SMOC2: variants seen among roughly 807,000 people sequenced by gnomAD.
SMOC2 encodes SPARC related modular calcium binding 2.
SMOC2 carries 39 observed loss-of-function variants against 61.4 expected under a neutral mutation model. The ratio of observed to expected loss-of-function variants is 0.64; its 90% CI spans 0.49 to 0.83. SMOC2 has a LOEUF of 0.83. SMOC2 is among the 40% of genes least tolerant of loss of function. The pLI is 0.00. For missense variants in SMOC2, 556 were observed against 592.9 expected, an observed-to-expected ratio of 0.94 and a Z score of 0.65; for synonymous variants, 247 against 239.9, an observed-to-expected ratio of 1.03 and a Z score of -0.27.
chr6:168,579,939 A>T (rs1233277080), intron 7 of SMOC2, among the ~76,000 whole-genome samples: 4 of 152,204 alleles, frequency 2.6e-5, no homozygotes, highest in Non-Finnish European at 4.4e-5. Context: ...TGGCCTTTCA[A>T]CACAGGTAAT....
intron 4 of SMOC2, among the ~76,000 whole-genome samples, chr6:168,538,680 T>G (rs796410167): frequency 6.9e-3 from 154 of 22,410 alleles, no homozygotes; most frequent in Admixed American, 9.5e-3. Context: ...TGGAATATGG[T>G]GGAGTGGGGT....
At chr6:168,533,174 G>C (rs911093687) in intron 4 of SMOC2, among the ~76,000 whole-genome samples, 5 of 152,048 alleles carry the variant, frequency 3.3e-5, no homozygotes, top group African/African-American at 1.2e-4. Flanking sequence ...TTTCCTCTCT[G>C]TGGTCTGAAC....
At position 168,571,076 on chromosome 6, in the gene SMOC2, C is replaced by T. The variant is rs539455817; in HGVS notation, c.637+21873C>T. Reference sequence around the variant, plus strand: ...TGACAGTGGCGCATGGCCTGACCTTCGTAACAATGCATTTTTGTTGTTAAC... The same window carrying T: ...TGACAGTGGCGCATGGCCTGACCTTTGTAACAATGCATTTTTGTTGTTAAC... On this transcript the variant is annotated intron_variant, in intron 7 of 12. Transcript: ENST00000356284. Among the ~76,000 whole-genome samples, 78 of 152,218 alleles carry T rather than the reference C, an allele frequency of 5.1e-4. 1 individual carries two copies. Among genetic ancestry groups the T allele is most frequent in the African/African-American group, 1.8e-3 (76 of 41,510 alleles).
At chr6:168,516,376 C>CA (rs3065283) in intron 2 of SMOC2, among the ~76,000 whole-genome samples, 31,397 of 133,892 alleles carry the variant, frequency 0.23, 3,878 homozygotes, top group African/African-American at 0.34. Flanking sequence ...ATAGAAAAGC[C>CA]AAAAAAAAAA....
chr6:168,456,872 G>C (rs144305505), intron 1 of SMOC2, among the ~76,000 whole-genome samples: 1 of 152,168 alleles, frequency 6.6e-6, no homozygotes, highest in Admixed American at 6.5e-5. Flanking sequence ...CGGGTGGGTC[G>C]TCATGTCCAC....
chr6:168,653,526 G>T (rs1787252454), intron 11 of SMOC2, among the ~76,000 whole-genome samples: 1 of 152,200 alleles, frequency 6.6e-6, no homozygotes, highest in Admixed American at 6.5e-5. Flanking sequence ...TTGTCTTCTG[G>T]TATTTGAGGT....
At chr6:168,498,160 T>C (rs1194077649) in intron 1 of SMOC2, among the ~76,000 whole-genome samples, 5 of 152,198 alleles carry the variant, frequency 3.3e-5, no homozygotes, top group Non-Finnish European at 7.3e-5. Flanking sequence ...TCAGTGGAAA[T>C]GATTTCACCG....
At chr6:168,563,906 G>T (rs1169122316) in intron 7 of SMOC2, among the ~76,000 whole-genome samples, 1 of 152,122 alleles carries the variant, frequency 6.6e-6, no homozygotes, top group Non-Finnish European at 1.5e-5. Flanking sequence ...CCGGCTTCAG[G>T]GGCCTGCAGG....
At chr6:168,634,501 G>A (rs1046628872) in intron 9 of SMOC2, among the ~76,000 whole-genome samples, 7 of 152,156 alleles carry the variant, frequency 4.6e-5, no homozygotes, top group African/African-American at 2.4e-5. Context: ...TGCCCAATTC[G>A]AGTCTGAAAT....
In SMOC2 at chr6:168,605,286, A is replaced by G. The variant is rs138111124; in HGVS notation, c.825-2871A>G. 8.6e-3 allele frequency among the ~76,000 whole-genome samples: 1,312 copies of G among 152,230 alleles called. 20 individuals carry two copies. The highest frequency in any genetic ancestry group is 0.027 in the African/African-American group (1,142 of 41,538). On this transcript the variant is annotated intron_variant, in intron 8 of 12. Transcript: ENST00000356284. Reference sequence around the variant, plus strand: ...TGTGTAGCCTCTGTTCCCCAACCCCAGAGCGTGTCTTTCAGTGGGGTGTGC... The same window carrying G: ...TGTGTAGCCTCTGTTCCCCAACCCCGGAGCGTGTCTTTCAGTGGGGTGTGC...
At chr6:168,574,790 C>G (rs969305229) in intron 7 of SMOC2, among the ~76,000 whole-genome samples, 7 of 152,188 alleles carry the variant, frequency 4.6e-5, no homozygotes, top group African/African-American at 1.7e-4. Flanking sequence ...TCACTTCAGA[C>G]AGCCAGGAGG....
At chr6:168,661,188 A>C (rs1375316657) in intron 11 of SMOC2, among the ~76,000 whole-genome samples, 1 of 152,216 alleles carries the variant, frequency 6.6e-6, no homozygotes, top group South Asian at 2.1e-4. Flanking sequence ...ACAATAGTGA[A>C]AAGTCAGAAA....
chr6:168,500,019 A>C (rs560953107), intron 1 of SMOC2, among the ~76,000 whole-genome samples: 259 of 152,252 alleles, frequency 1.7e-3, no homozygotes, highest in African/African-American at 6.0e-3. Flanking sequence ...ACAGAGATGA[A>C]GTCCATGCCG....
chr6:168,667,548 A>G lies in SMOC2; in HGVS notation c.*1110A>G, dbSNP rs1787693426. 6.6e-6 allele frequency: 1 copy of G among 152,242 alleles called. No homozygotes were observed. The highest frequency in any genetic ancestry group is 2.4e-5 in the African/African-American group (1 of 41,446). 9.4% of individuals were successfully genotyped at this position (152,242 alleles called of 1,614,324 possible). A position where few individuals can be genotyped will look rare whatever the true frequency, so the allele number is the denominator to read the frequency against. ...ACTGGCAGAGAAGGATAGGAGTGGA[A>G]TGCCCACACAGTGACCAACAGAACT... On this transcript the variant is annotated 3_prime_UTR_variant, in exon 13 of 13. Transcript: ENST00000356284.
At position 168,493,259 on chromosome 6, in the gene SMOC2, A is replaced by G. The variant is rs149601764; in HGVS notation, c.85-16656A>G. Among the ~76,000 whole-genome samples, 563 of 152,070 alleles carry G rather than the reference A, an allele frequency of 3.7e-3. 3 individuals are homozygous for G. The highest frequency in any genetic ancestry group is 0.013 in the African/African-American group (544 of 41,504). On this transcript the variant is annotated intron_variant, in intron 1 of 12. Transcript: ENST00000356284. ...ACCATATTGGTCAGGCTGGTCTCGA[A>G]CTCCTGATCTCAGGAGATCCACCTG...
chr6:168,467,541 C>G (rs1206882532), intron 1 of SMOC2, among the ~76,000 whole-genome samples: 5 of 152,134 alleles, frequency 3.3e-5, no homozygotes, highest in African/African-American at 1.2e-4. Flanking sequence ...ATCTCCTGAC[C>G]TCGTGATCCA....
At chr6:168,580,213 T>G (rs980704446) in intron 7 of SMOC2, among the ~76,000 whole-genome samples, 7 of 152,202 alleles carry the variant, frequency 4.6e-5, no homozygotes, top group African/African-American at 1.2e-4. Flanking sequence ...TGAAAAGAAA[T>G]AAATCAGAAC....
rs116458405 is a variant in SMOC2, at chr6:168,495,011, C to T, written c.85-14904C>T. Among the ~76,000 whole-genome samples the T allele has an allele frequency of 7.3e-3, 1,107 of 152,360 alleles. 23 individuals carry two copies. The highest frequency in any genetic ancestry group is 0.025 in the African/African-American group (1,043 of 41,586). ...CCTCATGCCTGCATCCTCCAGGCCCCGCCTCTGGCACCTTCCTGAAACCCG... is the reference window on the plus strand; with the variant it reads ...CCTCATGCCTGCATCCTCCAGGCCCTGCCTCTGGCACCTTCCTGAAACCCG... On this transcript the variant is annotated intron_variant, in intron 1 of 12. Coordinates refer to ENST00000356284, the MANE Select transcript of SMOC2 (RefSeq NM_001166412.2).
chr6:168,443,993 A>G (rs191068537), intron 1 of SMOC2, among the ~76,000 whole-genome samples: 6 of 152,342 alleles, frequency 3.9e-5, no homozygotes, highest in Admixed American at 3.3e-4. Flanking sequence ...TTCTCCAGCT[A>G]ACATTGTTTT....
Sources: gnomAD v4.1 joint callset for allele counts (sites outside exome capture counted in the v4.1 genomes callset) on GRCh38, gnomAD v4.1.1 for gene constraint, MANE v1.5 for transcripts, NCBI Gene and HGNC (gene_info 2026-07-23, HGNC 2026-07-21) for gene names.